Variants in PRKCQ observed in about 807,000 individuals in gnomAD.
PRKCQ encodes protein kinase C theta type.
Under a neutral mutation model 91.2 loss-of-function variants are expected in PRKCQ, and 41 were observed. That is an observed-to-expected ratio of 0.45 (90% CI 0.35 to 0.58). The LOEUF is 0.58. Ranked by LOEUF, PRKCQ falls within the 20% of genes least tolerant of loss-of-function variation. PRKCQ has a pLI of 0.00. For synonymous variants in PRKCQ, 307 were observed against 316.9 expected (o/e 0.97, Z 0.33); for missense variants, 673 against 896.5 (o/e 0.75, Z 3.18).
intron 1 of PRKCQ, among the ~76,000 whole-genome samples, chr10:6,573,060 T>C (rs1424159609): frequency 6.6e-6 from 1 of 152,214 alleles, no homozygotes; most frequent in African/African-American, 2.4e-5. Context: ...AGATTTAATG[T>C]GTCCCAAACC....
At chr10:6,515,483 G>C in intron 1 of PRKCQ, 3 of 985,380 alleles carry the variant, frequency 3.0e-6, no homozygotes, top group Non-Finnish European at 3.6e-6. Context: ...TATGTCTTCT[G>C]TTATTCAAGT....
chr10:6,445,873 C>T (rs189548602), intron 15 of PRKCQ, among the ~76,000 whole-genome samples: 46 of 152,294 alleles, frequency 3.0e-4, no homozygotes, highest in East Asian at 5.8e-4. Flanking sequence ...GCCCACAAGG[C>T]GGCGTCAAAG....
chr10:6,514,868 G>T, intron 2 of PRKCQ, 150 bp downstream of exon 2: 2 of 1,315,994 alleles, frequency 1.5e-6, no homozygotes, highest in Non-Finnish European at 2.1e-6. Flanking sequence ...CCATGAGGAA[G>T]TCCTTGGCTT....
chr10:6,403,268 C>G, the PRKCQ span, among the ~76,000 whole-genome samples: 3 of 152,212 alleles, frequency 2.0e-5, no homozygotes, highest in African/African-American at 7.2e-5. Flanking sequence ...TCAAGGACAC[C>G]ATAGTGTGGC....
chr10:6,534,636 G>A (rs556573449), intron 1 of PRKCQ, among the ~76,000 whole-genome samples: 1 of 151,772 alleles, frequency 6.6e-6, no homozygotes, highest in South Asian at 2.1e-4. Context: ...GAAACAGCCT[G>A]AAGATTCAAA....
intron 2 of PRKCQ, among the ~76,000 whole-genome samples, chr10:6,514,201 T>C (rs755817330): frequency 7.9e-5 from 12 of 152,130 alleles, no homozygotes; most frequent in Non-Finnish European, 1.8e-4. Context: ...CTACAAAGTG[T>C]CTGCTAAAAT....
At chr10:6,403,720 C>T in the PRKCQ span, among the ~76,000 whole-genome samples, 1 of 152,096 alleles carries the variant, frequency 6.6e-6, no homozygotes, top group Non-Finnish European at 1.5e-5. Flanking sequence ...GTTTATCTCT[C>T]CTATTGAAAT....
At position 6,427,936 on chromosome 10, in the gene PRKCQ, C is replaced by T. The variant is rs1833198931; in HGVS notation, c.*271G>A. 1 of 412,602 alleles carries T rather than the reference C, an allele frequency of 2.4e-6. No homozygotes were observed. Among genetic ancestry groups the T allele is most frequent in the Non-Finnish European group, 4.4e-6 (1 of 226,670 alleles). 25.6% of individuals were successfully genotyped at this position (412,602 alleles called of 1,614,324 possible). On this transcript the variant is annotated 3_prime_UTR_variant, in exon 18 of 18. Coordinates refer to ENST00000263125, the MANE Select transcript of PRKCQ (RefSeq NM_006257.5). ...TTGAAACCTTTCCAAGTGCGGAGAC[C>T]CATCTTTCAAGTAAATAACTATGGT...
chr10:6,489,277 A>C, intron 8 of PRKCQ: 1 of 462,412 alleles, frequency 2.2e-6, no homozygotes, highest in Non-Finnish European at 4.5e-6. Context: ...ACATAGAGGG[A>C]TGGAGTTTTA....
At chr10:6,472,330 A>G (rs1259292701) in intron 12 of PRKCQ, among the ~76,000 whole-genome samples, 1 of 152,160 alleles carries the variant, frequency 6.6e-6, no homozygotes, top group Non-Finnish European at 1.5e-5. Flanking sequence ...ACAAAAAAAA[A>G]GCAGGCATGT....
intron 1 of PRKCQ, among the ~76,000 whole-genome samples, chr10:6,563,780 C>T (rs1840722705): frequency 1.3e-5 from 2 of 152,222 alleles, no homozygotes; most frequent in Non-Finnish European, 2.9e-5. Context: ...ACTCTCTGCT[C>T]AAGCCGAGGG....
intron 16 of PRKCQ, among the ~76,000 whole-genome samples, chr10:6,431,698 C>A (rs1462311628): frequency 1.3e-5 from 2 of 152,192 alleles, no homozygotes; most frequent in South Asian, 4.1e-4. Context: ...TAGAATGATT[C>A]CAGCATTGTG....
At chr10:6,498,191 C>T (rs947002470) in intron 5 of PRKCQ, among the ~76,000 whole-genome samples, 7 of 151,924 alleles carry the variant, frequency 4.6e-5, no homozygotes, top group African/African-American at 1.7e-4. Context: ...GGGCATTTTT[C>T]CTGACTAGAC....
chr10:6,552,204 T>A (rs1840213892), intron 1 of PRKCQ, among the ~76,000 whole-genome samples: 1 of 152,338 alleles, frequency 6.6e-6, no homozygotes, highest in East Asian at 1.9e-4. Flanking sequence ...TTATAGTTTT[T>A]CAAGTGTATT....
intron 15 of PRKCQ, among the ~76,000 whole-genome samples, chr10:6,448,294 T>C (rs915382276): frequency 7.9e-5 from 12 of 152,062 alleles, no homozygotes; most frequent in Admixed American, 2.6e-4. Context: ...GAACAGCAGG[T>C]GATTCCTAAA....
chr10:6,479,767 TA>T (rs34610362), intron 11 of PRKCQ, among the ~76,000 whole-genome samples: 13,323 of 38,750 alleles, frequency 0.34, 1,778 homozygotes, highest in Middle Eastern at 0.47. Flanking sequence ...CCGTCTCGAC[TA>T]AAAAAAAAAA....
intron 2 of PRKCQ, among the ~76,000 whole-genome samples, chr10:6,513,923 C>A (rs1330648951): frequency 6.6e-6 from 1 of 152,192 alleles, no homozygotes; most frequent in Non-Finnish European, 1.5e-5. Flanking sequence ...TCCCTGCCCC[C>A]AGTCCCTCTC....
At chr10:6,447,189 A>C (rs1315327023) in intron 15 of PRKCQ, among the ~76,000 whole-genome samples, 1 of 151,830 alleles carries the variant, frequency 6.6e-6, no homozygotes, top group East Asian at 1.9e-4. Flanking sequence ...CGGGCGGATC[A>C]TGAGGTTAAG....
chr10:6,537,817 T>C (rs911227843), intron 1 of PRKCQ, among the ~76,000 whole-genome samples: 2 of 152,216 alleles, frequency 1.3e-5, no homozygotes, highest in African/African-American at 4.8e-5. Flanking sequence ...TTGACTTTGA[T>C]ACTTGCAAAC....
Sources: allele counts gnomAD v4.1 joint callset (sites outside exome capture counted in the v4.1 genomes callset), GRCh38; gene constraint gnomAD v4.1.1; transcripts MANE v1.5; gene names NCBI Gene and HGNC (gene_info 2026-07-23, HGNC 2026-07-21).